ZNF385B: variants seen among roughly 807,000 people sequenced by gnomAD.
ZNF385B encodes zinc finger protein 533.
ZNF385B carries 23 observed loss-of-function variants against 39.2 expected under a neutral mutation model. That is an observed-to-expected ratio of 0.59 (90% CI 0.42 to 0.83). The LOEUF (loss-of-function observed/expected upper bound fraction) is 0.83, where lower values mean the gene tolerates loss of function less well. Ranked by LOEUF, ZNF385B falls within the 40% of genes least tolerant of loss-of-function variation. The pLI is 0.00. For synonymous variants in ZNF385B, 205 were observed against 222.6 expected (o/e 0.92, Z 0.70); for missense variants, 552 against 598.9 (o/e 0.92, Z 0.82).
At chr2:179,610,769 C>T (rs1689225355) in intron 3 of ZNF385B, among the ~76,000 whole-genome samples, 2 of 151,922 alleles carry the variant, frequency 1.3e-5, no homozygotes, top group African/African-American at 4.8e-5. Flanking sequence ...CTTTCACTTC[C>T]TTGGTTAATT....
intron 1 of ZNF385B, among the ~76,000 whole-genome samples, chr2:179,836,643 C>G (rs1332238285): frequency 3.3e-5 from 5 of 150,638 alleles, no homozygotes; most frequent in Non-Finnish European, 5.9e-5. Context: ...CTCAGCCTCC[C>G]GAGTAGCTGG....
chr2:179,560,053 A>C (rs896419554), intron 3 of ZNF385B, among the ~76,000 whole-genome samples: 1 of 152,092 alleles, frequency 6.6e-6, no homozygotes, highest in African/African-American at 2.4e-5. Context: ...CATTTAACGT[A>C]ATGTCTTCCA....
Position 179,809,696 on chromosome 2 carries a change from G to C in ZNF385B, c.-154-39024C>G, listed in dbSNP as rs78712790. The stretch of plus-strand genomic sequence containing the variant: ...AATTTTGAAAAACCTAATGGGTCAC[G>C]TGGGACACGAGCAAAAAATCCATCG... On this transcript the variant is annotated intron_variant, in intron 1 of 9. Coordinates refer to ENST00000410066, the MANE Select transcript of ZNF385B (RefSeq NM_152520.6). Among the ~76,000 whole-genome samples the C allele has an allele frequency of 3.9e-5, 6 of 152,124 alleles. No individual in the cohort carries two copies. The East Asian group carries it at 1.2e-3, about 29-fold the overall frequency.
At chr2:179,760,223 C>CGCGCGCGT (rs11282329) in intron 3 of ZNF385B, among the ~76,000 whole-genome samples, 103 of 144,474 alleles carry the variant, frequency 7.1e-4, no homozygotes, top group Non-Finnish European at 1.2e-3. Context: ...TTCCTGTGTG[C>CGCGCGCGT]GTGTGTGTGT....
At chr2:179,747,291 G>A (rs1702437213) in intron 3 of ZNF385B, among the ~76,000 whole-genome samples, 2 of 152,124 alleles carry the variant, frequency 1.3e-5, no homozygotes, top group Admixed American at 1.3e-4. Flanking sequence ...CTTACGGGCT[G>A]CTGGTTAGAT....
intron 3 of ZNF385B, among the ~76,000 whole-genome samples, chr2:179,573,961 G>T (rs1323134250): frequency 2.0e-5 from 3 of 152,068 alleles, no homozygotes; most frequent in Non-Finnish European, 4.4e-5. Flanking sequence ...AAAAAGTATA[G>T]CATTATTATT....
chr2:179,703,822 G>T (rs1029318056), intron 3 of ZNF385B, among the ~76,000 whole-genome samples: 13 of 152,182 alleles, frequency 8.5e-5, no homozygotes, highest in Non-Finnish European at 1.9e-4. Flanking sequence ...CAGTGCAGCT[G>T]GGAAGTTGTA....
chr2:179,610,892 T>G (rs539621992), intron 3 of ZNF385B, among the ~76,000 whole-genome samples: 82 of 152,336 alleles, frequency 5.4e-4, no homozygotes, highest in Non-Finnish European at 1.2e-4. Flanking sequence ...GTTGATTTTG[T>G]ATCCTGCAAC....
At chr2:179,800,294 GA>G (rs34994939) in intron 1 of ZNF385B, among the ~76,000 whole-genome samples, 1 of 151,984 alleles carries the variant, frequency 6.6e-6, no homozygotes, top group African/African-American at 2.4e-5. Context: ...CATAAACTTT[GA>G]AAAGTGATTC....
At chr2:179,610,928 A>G (rs1235376575) in intron 3 of ZNF385B, among the ~76,000 whole-genome samples, 1 of 152,132 alleles carries the variant, frequency 6.6e-6, no homozygotes, top group Non-Finnish European at 1.5e-5. Flanking sequence ...TATCAGTTGT[A>G]CTAGTTTTTT....
Position 179,829,225 on chromosome 2 carries a change from T to C in ZNF385B, c.-155+31876A>G, listed in dbSNP as rs371402370. Among the ~76,000 whole-genome samples, 11 of 152,292 alleles carry C rather than the reference T, an allele frequency of 7.2e-5. No individual in the cohort carries two copies. The East Asian group carries it at 1.9e-3, about 27-fold the overall frequency. ...TATGTTCTAATAATATTTCTCTTCA[T>C]AGTGAAGAGACTATTAGCTGAAAAA... On this transcript the variant is annotated intron_variant, in intron 1 of 9. Transcript: ENST00000410066.
chr2:179,697,543 A>G (rs986426986), intron 3 of ZNF385B, among the ~76,000 whole-genome samples: 2 of 152,154 alleles, frequency 1.3e-5, no homozygotes, highest in Non-Finnish European at 2.9e-5. Flanking sequence ...TAAATTACAC[A>G]GTCTCGGGCA....
chr2:179,507,461 A>G (rs187528923), intron 5 of ZNF385B, among the ~76,000 whole-genome samples: 88 of 151,330 alleles, frequency 5.8e-4, no homozygotes, highest in Non-Finnish European at 5.9e-5. Context: ...GAGAATACCT[A>G]GTACAGGGCC....
rs559165896 is a variant in ZNF385B at position 179,472,907 on chromosome 2, T to C, written c.715+10365A>G. Among the ~76,000 whole-genome samples, 5 of 152,274 alleles carry C rather than the reference T, an allele frequency of 3.3e-5. No homozygotes were observed. The South Asian group carries it at 1.0e-3, about 32-fold the overall frequency. On this transcript the variant is annotated intron_variant, in intron 6 of 9. Transcript: ENST00000410066. ...TACTATGGCTGTACATACAGCAACC[T>C]GTCAACCTGTGAGGTGGGCATCCAC... is the stretch of plus-strand genomic sequence containing the variant.
intron 3 of ZNF385B, among the ~76,000 whole-genome samples, chr2:179,693,429 T>C (rs12463735): frequency 0.077 from 11,783 of 152,276 alleles, 532 homozygotes; most frequent in East Asian, 0.16. Context: ...TGAATTATGA[T>C]CTTCTATTCC....
At chr2:179,596,394 T>C (rs562393410) in intron 3 of ZNF385B, among the ~76,000 whole-genome samples, 1 of 152,322 alleles carries the variant, frequency 6.6e-6, no homozygotes, top group African/African-American at 2.4e-5. Flanking sequence ...GTAGTCTCCC[T>C]GTTCCTTTCA....
At chr2:179,750,981 T>G (rs1240772891) in intron 3 of ZNF385B, among the ~76,000 whole-genome samples, 1 of 152,108 alleles carries the variant, frequency 6.6e-6, no homozygotes, top group Non-Finnish European at 1.5e-5. Flanking sequence ...TACTGATGCA[T>G]TCTAGCCTTG....
At chr2:179,729,600 T>C (rs1701252077) in intron 3 of ZNF385B, among the ~76,000 whole-genome samples, 1 of 152,212 alleles carries the variant, frequency 6.6e-6, no homozygotes, top group South Asian at 2.1e-4. Context: ...TCACCAATTT[T>C]GTAAATATTC....
chr2:179,785,414 T>C (rs888191161), intron 1 of ZNF385B, among the ~76,000 whole-genome samples: 1 of 152,178 alleles, frequency 6.6e-6, no homozygotes, highest in African/African-American at 2.4e-5. Flanking sequence ...AAGAAATACA[T>C]TTTGAAAGGC....
Sources: gnomAD v4.1 joint callset for allele counts (sites outside exome capture counted in the v4.1 genomes callset) on GRCh38, gnomAD v4.1.1 for gene constraint, MANE v1.5 for transcripts, NCBI Gene and HGNC (gene_info 2026-07-23, HGNC 2026-07-21) for gene names.